The following GRM1 variants were observed in gnomAD, a reference collection of about 807,000 sequenced individuals.
GRM1 encodes metabotropic glutamate receptor 1.
In GRM1, 33 loss-of-function variants were observed where a neutral mutation model predicts 90.9. That is an observed-to-expected ratio of 0.36 (90% confidence interval 0.28 to 0.49). The LOEUF is 0.49. GRM1 is among the 20% of genes least tolerant of loss of function. GRM1 has a pLI of 0.99. For missense variants in GRM1, 1,190 were observed against 1,534.3 expected (o/e 0.78, Z 3.75); for synonymous variants, 700 against 613.2 (o/e 1.14, Z -2.09).
chr6:146,064,450 A>G (rs961367254), intron 1 of GRM1, among the ~76,000 whole-genome samples: 16 of 152,326 alleles, frequency 1.1e-4, no homozygotes, highest in African/African-American at 3.4e-4. Flanking sequence ...TTCTGTACCA[A>G]TGTTTTAGCC....
intron 2 of GRM1, among the ~76,000 whole-genome samples, chr6:146,259,484 C>T (rs1338608962): frequency 6.6e-6 from 1 of 152,082 alleles, no homozygotes; most frequent in Non-Finnish European, 1.5e-5. Context: ...GCAGTGGCAG[C>T]CACCATTGTA....
At chr6:146,038,886 A>G (rs1189054912) in intron 1 of GRM1, among the ~76,000 whole-genome samples, 3 of 152,082 alleles carry the variant, frequency 2.0e-5, no homozygotes, top group Non-Finnish European at 2.9e-5. Flanking sequence ...TTAAAAGGTT[A>G]TATCAGGATA....
intron 7 of GRM1, among the ~76,000 whole-genome samples, chr6:146,404,801 A>G (rs533926075): frequency 1.3e-4 from 20 of 152,180 alleles, no homozygotes; most frequent in Non-Finnish European, 2.8e-4. Flanking sequence ...ACAAGGTGCA[A>G]TAAAGGTTTT....
At chr6:146,065,145 G>A (rs1293734467) in intron 1 of GRM1, among the ~76,000 whole-genome samples, 1 of 152,056 alleles carries the variant, frequency 6.6e-6, no homozygotes, top group Non-Finnish European at 1.5e-5. Flanking sequence ...TTAAATGCAG[G>A]AGAAAGCCTT....
intron 2 of GRM1, among the ~76,000 whole-genome samples, chr6:146,218,057 A>C (rs1456998163): frequency 2.0e-5 from 3 of 152,200 alleles, no homozygotes; most frequent in Non-Finnish European, 4.4e-5. Context: ...GAATGAAAAA[A>C]GTACCAAGTA....
At chr6:146,036,274 C>T (rs1790888237) in intron 1 of GRM1, among the ~76,000 whole-genome samples, 1 of 151,886 alleles carries the variant, frequency 6.6e-6, no homozygotes, top group African/African-American at 2.4e-5. Flanking sequence ...GTTTGGTGAA[C>T]ACCTACAACC....
chr6:146,374,870 T>C (rs1776036161), intron 5 of GRM1, among the ~76,000 whole-genome samples: 1 of 152,124 alleles, frequency 6.6e-6, no homozygotes, highest in African/African-American at 2.4e-5. Context: ...TTGATTTATT[T>C]CTATTCTGAT....
intron 2 of GRM1, among the ~76,000 whole-genome samples, chr6:146,302,207 G>A (rs940467475): frequency 1.3e-5 from 2 of 151,006 alleles, no homozygotes; most frequent in Non-Finnish European, 2.9e-5. Context: ...CTCCTCTTTT[G>A]GGTCTCAGCT....
chr6:146,275,320 G>A (rs1782314860), intron 2 of GRM1, among the ~76,000 whole-genome samples: 1 of 152,152 alleles, frequency 6.6e-6, no homozygotes, highest in Non-Finnish European at 1.5e-5. Context: ...GAGGAAAGAG[G>A]TAAGGGCATC....
At chr6:146,131,830 T>C (rs1427759506) in intron 1 of GRM1, among the ~76,000 whole-genome samples, 1 of 152,204 alleles carries the variant, frequency 6.6e-6, no homozygotes, top group Non-Finnish European at 1.5e-5. Flanking sequence ...TTTATCTATG[T>C]CCAACCATAA....
At position 146,180,367 on chromosome 6, in the gene GRM1, A is replaced by G. The variant is rs1778503380; in HGVS notation, c.950+20770A>G. On this transcript the variant is annotated intron_variant, in intron 2 of 7. Coordinates refer to ENST00000282753, the MANE Select transcript of GRM1 (RefSeq NM_001278064.2). The stretch of plus-strand genomic sequence containing the variant: ...TTCACTGACAATATGAAGTAAAACT[A>G]AGATTTGGTTTATTTCTATTGTTTA... Among the ~76,000 whole-genome samples, 2 of 152,210 alleles carry G rather than the reference A, an allele frequency of 1.3e-5. 1 individual carries two copies. The highest frequency in any genetic ancestry group is 4.1e-4 in the South Asian group (2 of 4,828).
chr6:146,214,510 G>A (rs1023752391), intron 2 of GRM1, among the ~76,000 whole-genome samples: 4 of 152,022 alleles, frequency 2.6e-5, no homozygotes, highest in Admixed American at 6.6e-5. Flanking sequence ...AGAATAAACC[G>A]CAAAAAGTAA....
intron 2 of GRM1, among the ~76,000 whole-genome samples, chr6:146,255,532 C>A (rs1205757945): frequency 6.6e-6 from 1 of 152,120 alleles, no homozygotes; most frequent in African/African-American, 2.4e-5. Flanking sequence ...AAGCCTTCCT[C>A]CCTGAGATTT....
chr6:146,128,576 A>C (rs529286712), intron 1 of GRM1, among the ~76,000 whole-genome samples: 1 of 152,256 alleles, frequency 6.6e-6, no homozygotes, highest in South Asian at 2.1e-4. Context: ...TTCAGGATCA[A>C]ACAAGAACAT....
rs576991213 is a variant in GRM1, at chr6:146,336,797, T to C, written c.1187-15453T>C. On this transcript the variant is annotated intron_variant, in intron 3 of 7. Coordinates refer to ENST00000282753, the MANE Select transcript of GRM1 (RefSeq NM_001278064.2). ...CCCAGTTCCAGTACCCGACTCTGTATATTTTTGTGCCTGAGTCCCTGTCTT... is the reference window on the plus strand; with the variant it reads ...CCCAGTTCCAGTACCCGACTCTGTACATTTTTGTGCCTGAGTCCCTGTCTT... Among the ~76,000 whole-genome samples the C allele has an allele frequency of 2.6e-5, 4 of 152,336 alleles. No individual in the cohort carries two copies. The South Asian group carries it at 8.3e-4, about 32-fold the overall frequency.
At chr6:146,269,471 C>A (rs1378844999) in intron 2 of GRM1, among the ~76,000 whole-genome samples, 2 of 152,194 alleles carry the variant, frequency 1.3e-5, no homozygotes, top group Non-Finnish European at 2.9e-5. Context: ...AGAAGAGAAT[C>A]TGGATTTTGG....
At chr6:146,037,406 G>T (rs560999931) in intron 1 of GRM1, among the ~76,000 whole-genome samples, 1 of 152,042 alleles carries the variant, frequency 6.6e-6, no homozygotes, top group African/African-American at 2.4e-5. Flanking sequence ...ACTTGCTCAA[G>T]ATCATAAAAT....
At chr6:146,127,172 T>C (rs1188969093) in intron 1 of GRM1, among the ~76,000 whole-genome samples, 2 of 152,168 alleles carry the variant, frequency 1.3e-5, no homozygotes, top group African/African-American at 4.8e-5. Flanking sequence ...ACAAATTACA[T>C]TACTGAAAAT....
intron 5 of GRM1, among the ~76,000 whole-genome samples, chr6:146,370,652 A>T (rs1775863672): frequency 6.6e-6 from 1 of 152,008 alleles, no homozygotes. Flanking sequence ...TTGAATATAT[A>T]TATGCCAACC....
Sources: gnomAD v4.1 joint callset for allele counts (sites outside exome capture counted in the v4.1 genomes callset) on GRCh38, gnomAD v4.1.1 for gene constraint, MANE v1.5 for transcripts, NCBI Gene and HGNC (gene_info 2026-07-23, HGNC 2026-07-21) for gene names.